SCN7A: variants seen among roughly 807,000 people sequenced by gnomAD.
The protein encoded by SCN7A is sodium channel protein type 7 subunit alpha.
Under a neutral mutation model 155.2 loss-of-function variants are expected in SCN7A, and 138 were observed. That is an observed-to-expected ratio of 0.89 (90% confidence interval 0.77 to 1.02). The LOEUF is 1.02. Ranked by LOEUF, SCN7A falls within the 50% of genes least tolerant of loss-of-function variation. The pLI is 0.00. For missense variants in SCN7A, 2,058 were observed against 1,986.6 expected (o/e 1.04, Z -0.68); for synonymous variants, 693 against 649.0 (o/e 1.07, Z -1.03).
chr2:166,478,080 T>C (rs973687385), intron 2 of SCN7A, among the ~76,000 whole-genome samples: 16 of 151,980 alleles, frequency 1.1e-4, no homozygotes, highest in Non-Finnish European at 1.3e-4. Context: ...TGACTACACT[T>C]TTCTTCTTTA....
chr2:166,466,688 C>T (rs1004495160), intron 7 of SCN7A, among the ~76,000 whole-genome samples: 12 of 151,968 alleles, frequency 7.9e-5, no homozygotes, highest in African/African-American at 2.9e-4. Flanking sequence ...CTCCCTCCTC[C>T]CTTTTCTTTT....
Position 166,456,815 on chromosome 2 carries a change from T to TAG in SCN7A, c.1290+54_1290+55insCT, listed in dbSNP as rs1470356253. The TAG allele has an allele frequency of 4.1e-3, 1,867 of 453,294 alleles. 33 individuals are homozygous for TAG. The highest frequency in any genetic ancestry group is 0.011 in the African/African-American group (321 of 29,906). The allele number at this position is 453,294 out of a possible 1,614,324, so 28.1% of individuals were successfully genotyped here. ...GTTTCAAGACTAAAATATATATATA[T>TAG]ATATATATATATATAGATAGATAGA... On this transcript the variant is annotated intron_variant, in intron 11 of 25. Coordinates refer to ENST00000643258, the MANE Select transcript of SCN7A (RefSeq NM_002976.4).
chr2:166,416,795 C>CT lies in SCN7A; in HGVS notation c.3325dup (p.Ser1109LysfsTer5), dbSNP rs749367354. ...TAGCATGGATTCGTTAAACAGAAGG[C>CT]TTTCACACCGACTCTTATTCATGAC... On this transcript the variant is annotated frameshift_variant, in exon 21 of 26. Coordinates refer to ENST00000643258, the MANE Select transcript of SCN7A (RefSeq NM_002976.4). LOFTEE classifies it high-confidence loss of function. 6.2e-7 allele frequency: 1 copy of CT among 1,613,370 alleles called. No homozygotes were observed. Among genetic ancestry groups the CT allele is most frequent in the African/African-American group, 1.3e-5 (1 of 74,916 alleles).
At chr2:166,490,117 C>A (rs1459360935) in intron 1 of SCN7A, among the ~76,000 whole-genome samples, 1 of 151,962 alleles carries the variant, frequency 6.6e-6, no homozygotes, top group Non-Finnish European at 1.5e-5. Flanking sequence ...CATTTAAAAT[C>A]TATTCCTTTA....
chr2:166,451,840 C>A (rs918744662), intron 11 of SCN7A, among the ~76,000 whole-genome samples: 1 of 152,130 alleles, frequency 6.6e-6, no homozygotes, highest in Non-Finnish European at 1.5e-5. Flanking sequence ...ATAATGTGAA[C>A]CACCAAGTAA....
rs778147130 is a variant in SCN7A at position 166,409,755 on chromosome 2, A to T, written c.3892T>A (p.Cys1298Ser). Residue 1298 changes from cysteine to serine, a missense_variant, in exon 25 of 26, where the codon TGT becomes AGT. Cys to Ser is a moderately radical substitution (Grantham distance 112). Transcript: ENST00000643258. ...CGGAAAGCGATGAGCTTCAGTATAC[A>T]TTCCATAGTATATAGCATAACAAAA... ...SIFVMLYTME[C>S]ILKLIAFRCF... The T allele has an allele frequency of 3.8e-6, 6 of 1,559,490 alleles. No individual in the cohort carries two copies. The highest frequency in any genetic ancestry group is 5.2e-6 in the Non-Finnish European group (6 of 1,150,176).
At chr2:166,485,833 G>C (rs1043766301) in intron 2 of SCN7A, among the ~76,000 whole-genome samples, 1 of 152,094 alleles carries the variant, frequency 6.6e-6, no homozygotes. Flanking sequence ...ATTATCCTTT[G>C]TTATCTCATC....
intron 17 of SCN7A, among the ~76,000 whole-genome samples, chr2:166,428,916 T>C (rs1701676599): frequency 6.6e-6 from 1 of 152,054 alleles, no homozygotes; most frequent in African/African-American, 2.4e-5. Flanking sequence ...CATATACCTA[T>C]ATATGTTGAA....
Position 166,472,320 on chromosome 2 carries a change from AAC to A in SCN7A, c.567_568del (p.Phe190Ter). The stretch of plus-strand genomic sequence containing the variant: ...CTCAATTTAAAGAAATACTCACTCA[AAC>A]ACAGTTACGCTGAAATCGAGCCAGT... On this transcript the variant is annotated frameshift_variant, in exon 6 of 26. Transcript: ENST00000643258. LOFTEE classifies it high-confidence loss of function. The A allele has an allele frequency of 6.3e-7, 1 of 1,598,718 alleles. No homozygotes were observed. Among genetic ancestry groups the A allele is most frequent in the Non-Finnish European group, 8.5e-7 (1 of 1,173,786 alleles).
At chr2:166,452,154 G>T (rs1341110906) in intron 11 of SCN7A, among the ~76,000 whole-genome samples, 1 of 151,810 alleles carries the variant, frequency 6.6e-6, no homozygotes, top group Non-Finnish European at 1.5e-5. Context: ...CAATTATCTT[G>T]TAATTTTAAT....
intron 17 of SCN7A, among the ~76,000 whole-genome samples, 193 bp from the exon 18 acceptor site, chr2:166,428,135 T>C (rs923163965): frequency 6.6e-6 from 1 of 152,066 alleles, no homozygotes; most frequent in Non-Finnish European, 1.5e-5. Flanking sequence ...AAAGGAAAAC[T>C]GGACTTAGGA....
At chr2:166,444,298 C>G (rs1255138094) in intron 13 of SCN7A, among the ~76,000 whole-genome samples, 2 of 152,048 alleles carry the variant, frequency 1.3e-5, no homozygotes, top group African/African-American at 4.8e-5. Flanking sequence ...TCAAAAATAC[C>G]AGGCTAAAAT....
chr2:166,405,930 C>T lies in SCN7A; in HGVS notation c.4699G>A (p.Ala1567Thr), dbSNP rs775668770. ...AGGCAATGAATTCTGTCCCCAACAG[C>T]CATGGGGAGGTCCAAAGCAATGAGC... ...GQLIALDLPM[A>T]VGDRIHCLDI... The change falls in exon 26 of 26, where the codon GCT becomes ACT. Residue 1567 changes from alanine (A) to threonine (T), a missense_variant. Physicochemically the swap from Ala to Thr is moderately conservative, Grantham distance 58. Transcript: ENST00000643258. The T allele has an allele frequency of 3.1e-6, 5 of 1,612,940 alleles. No homozygotes were observed. Among genetic ancestry groups the T allele is most frequent in the Non-Finnish European group, 1.7e-6 (2 of 1,179,284 alleles).
At chr2:166,447,015 A>G (rs540960103) in intron 12 of SCN7A, among the ~76,000 whole-genome samples, 1 of 152,214 alleles carries the variant, frequency 6.6e-6, no homozygotes, top group Non-Finnish European at 1.5e-5. Flanking sequence ...CGTCCTGCAC[A>G]TGTATCCCAG....
At chr2:166,445,912 A>G (rs1256476537) in intron 12 of SCN7A, among the ~76,000 whole-genome samples, 1 of 152,192 alleles carries the variant, frequency 6.6e-6, no homozygotes, top group African/African-American at 2.4e-5. Flanking sequence ...TGAAACCTAA[A>G]ACCATAAAAA....
In SCN7A at chr2:166,406,403, G is replaced by A. The variant is rs1701075127; in HGVS notation, c.4226C>T (p.Ala1409Val). The stretch of plus-strand genomic sequence containing the variant: ...AAAATTAGACACATCATTAATTCCA[G>A]CTTCTTTTTTAACATAGGCAAAATT... ...MYNFAYVKKE[A>V]GINDVSNFET... Residue 1409 changes from alanine to valine, a missense_variant, in exon 26 of 26, where the codon GCT becomes GTT. By Grantham distance (64) the Ala-to-Val change is moderately conservative. Coordinates refer to ENST00000643258, the MANE Select transcript of SCN7A (RefSeq NM_002976.4). 1 of 1,612,984 alleles carries A rather than the reference G, an allele frequency of 6.2e-7. No individual in the cohort carries two copies. The highest frequency in any genetic ancestry group is 8.5e-7 in the Non-Finnish European group (1 of 1,179,358).
At chr2:166,429,745 T>C (rs750504753) in intron 16 of SCN7A, among the ~76,000 whole-genome samples, 2 of 152,018 alleles carry the variant, frequency 1.3e-5, no homozygotes, top group Admixed American at 6.6e-5. Context: ...CTTATGTATG[T>C]CATCACAGGA....
rs1701046521 is a variant in SCN7A, at chr2:166,405,465, AT to A, written c.*114del. 7.7e-6 allele frequency: 6 copies of A among 776,382 alleles called. No individual in the cohort carries two copies. The East Asian group carries it at 1.5e-4, about 20-fold the overall frequency. 48.1% of individuals were successfully genotyped at this position (776,382 alleles called of 1,614,324 possible). On this transcript the variant is annotated 3_prime_UTR_variant, in exon 26 of 26. Coordinates refer to ENST00000643258, the MANE Select transcript of SCN7A (RefSeq NM_002976.4). ...ATGAAGTCTTGTGAATACAAGCTTA[AT>A]TACCATCGGTTGTAAAGAACTGATT... is the stretch of plus-strand genomic sequence containing the variant.
Position 166,445,430 on chromosome 2 carries a change from G to A in SCN7A, c.1388-430C>T, listed in dbSNP as rs368610851. On this transcript the variant is annotated intron_variant, in intron 12 of 25. Coordinates refer to ENST00000643258, the MANE Select transcript of SCN7A (RefSeq NM_002976.4). ...TTCTCAAATTGTTTAAAGTTCTAACGAACTAATAGACAATTTTGACTTTTG... is the reference window on the plus strand; with the variant it reads ...TTCTCAAATTGTTTAAAGTTCTAACAAACTAATAGACAATTTTGACTTTTG... Among the ~76,000 whole-genome samples, 14 of 152,192 alleles carry A rather than the reference G, an allele frequency of 9.2e-5. No individual in the cohort carries two copies. In the South Asian group the frequency reaches 1.7e-3, roughly 18 times the overall value.
Sources: gnomAD v4.1 joint callset for allele counts (sites outside exome capture counted in the v4.1 genomes callset) on GRCh38, gnomAD v4.1.1 for gene constraint, MANE v1.5 for transcripts, NCBI Gene and HGNC (gene_info 2026-07-23, HGNC 2026-07-21) for gene names.